RHAG: variants seen among roughly 807,000 people sequenced by gnomAD.
The protein encoded by RHAG is Rh associated glycoprotein.
Under a neutral mutation model 42.4 loss-of-function variants are expected in RHAG, and 25 were observed. That is an observed-to-expected ratio of 0.59 (90% CI 0.43 to 0.82). The LOEUF (loss-of-function observed/expected upper bound fraction) is 0.82, where lower values mean the gene tolerates loss of function less well. Among genes scored for constraint, RHAG ranks in the 40% least tolerant of loss-of-function variants. The probability of loss-of-function intolerance (pLI) is 0.00; values close to 1 mark genes in which losing one functional copy is unlikely to be tolerated. For missense variants in RHAG, 483 were observed against 504.6 expected (o/e 0.96, Z 0.41); for synonymous variants, 182 against 177.7 (o/e 1.02, Z -0.19).
intron 1 of RHAG, among the ~76,000 whole-genome samples, chr6:49,628,225 T>G (rs184365782): frequency 6.6e-6 from 1 of 151,786 alleles, no homozygotes; most frequent in East Asian, 2.0e-4. Flanking sequence ...GGCATGAACA[T>G]AACTCACTAC....
chr6:49,625,868 G>A (rs1762834760), intron 1 of RHAG, among the ~76,000 whole-genome samples: 2 of 152,156 alleles, frequency 1.3e-5, no homozygotes, highest in South Asian at 2.1e-4. Flanking sequence ...AAAGGCAAAG[G>A]AGGAGCAAAG....
At chr6:49,621,950 AT>A (rs548197564) in intron 1 of RHAG, among the ~76,000 whole-genome samples, 3 of 149,668 alleles carry the variant, frequency 2.0e-5, no homozygotes, top group Non-Finnish European at 4.5e-5. Flanking sequence ...CATTTTGTTC[AT>A]TTTTTTTAAT....
chr6:49,617,473 T>C (rs973788632), intron 3 of RHAG, among the ~76,000 whole-genome samples: 4 of 148,344 alleles, frequency 2.7e-5, no homozygotes, highest in African/African-American at 7.3e-5. Context: ...AACTTTCATA[T>C]TTTGTTTGTC....
chr6:49,628,198 C>T (rs1165218827), intron 1 of RHAG, among the ~76,000 whole-genome samples: 1 of 151,612 alleles, frequency 6.6e-6, no homozygotes, highest in East Asian at 2.0e-4. Context: ...GCTCTGTTGC[C>T]CAGGCTGGAG....
intron 1 of RHAG, among the ~76,000 whole-genome samples, chr6:49,627,301 T>C (rs1287074803): frequency 1.3e-5 from 2 of 152,170 alleles, no homozygotes; most frequent in Non-Finnish European, 2.9e-5. Flanking sequence ...CCCTAAATCA[T>C]CTCTCTCAAG....
chr6:49,618,148 G>A lies in RHAG; in HGVS notation c.412C>T (p.Pro138Ser). Residue 138 changes from proline (P) to serine (S), a missense_variant, in exon 3 of 10, where the codon CCC becomes TCC. By Grantham distance (74) the Pro-to-Ser change is moderately conservative. Transcript: ENST00000371175. The part of the protein sequence containing the change: ...SFGAVLGKTS[P>S]TQMLIMTILE... ...ATTGTCATGATCAGCATTTGGGTGG[G>A]GCTCGTTTTTCCCAGGACAGCTCCA... 1 of 1,614,008 alleles carries A rather than the reference G, an allele frequency of 6.2e-7. No homozygotes were observed.
At chr6:49,623,580 G>A (rs1215642828) in intron 1 of RHAG, among the ~76,000 whole-genome samples, 1 of 152,184 alleles carries the variant, frequency 6.6e-6, no homozygotes, top group Non-Finnish European at 1.5e-5. Context: ...CTCAACAAGA[G>A]GTAATATTAA....
intron 1 of RHAG, among the ~76,000 whole-genome samples, chr6:49,635,074 G>A (rs1414395166): frequency 2.7e-5 from 4 of 150,422 alleles, no homozygotes; most frequent in African/African-American, 9.8e-5. Flanking sequence ...TATCCATACG[G>A]TATTGTTAAC....
At chr6:49,634,979 T>TG (rs56215865) in intron 1 of RHAG, among the ~76,000 whole-genome samples, 1,087 of 89,644 alleles carry the variant, frequency 0.012, 17 homozygotes, top group African/African-American at 0.049. Flanking sequence ...TGTGTGTGTG[T>TG]TTGTGTATAC....
At chr6:49,629,700 G>A (rs555271920) in intron 1 of RHAG, among the ~76,000 whole-genome samples, 1 of 152,342 alleles carries the variant, frequency 6.6e-6, no homozygotes, top group African/African-American at 2.4e-5. Context: ...CCCACGGGAA[G>A]GCAGCTAAGG....
intron 2 of RHAG, 143 bp from the exon 3 acceptor site, chr6:49,618,361 G>A (rs546545228): frequency 3.7e-6 from 3 of 804,470 alleles, no homozygotes; most frequent in African/African-American, 1.7e-5. Flanking sequence ...TCCTCTTTTT[G>A]ACCAGACACT....
At chr6:49,612,364 C>A in intron 6 of RHAG, 33 bp downstream of exon 6, 2 of 1,612,220 alleles carry the variant, frequency 1.2e-6, no homozygotes, top group South Asian at 2.2e-5. Flanking sequence ...GGTGCAGATT[C>A]AGAGTTTGAC....
In RHAG at chr6:49,607,196, T is replaced by G. The variant is rs1306619056; in HGVS notation, c.1092A>C (p.Ala364=). The change falls in exon 8 of 10, where the codon GCA becomes GCC. Residue 364 remains alanine, a synonymous_variant. Transcript: ENST00000371175. ...SNTSMAMQAA[A]LGSSIGTAVV... is the part of the protein sequence containing the mutation. ...CTGCTGTTCCGATAGAGGAACCCAGTGCAGCTGCCTGCATGGCCATAGACC... is the reference window on the plus strand; with the variant it reads ...CTGCTGTTCCGATAGAGGAACCCAGGGCAGCTGCCTGCATGGCCATAGACC... 6.2e-7 allele frequency: 1 copy of G among 1,613,738 alleles called. No individual in the cohort carries two copies. The highest frequency in any genetic ancestry group is 2.2e-5 in the East Asian group (1 of 44,868).
At position 49,636,749 on chromosome 6, in the gene RHAG, A is replaced by C. The variant is rs139234886; in HGVS notation, c.64T>G (p.Leu22Val). The C allele has an allele frequency of 5.6e-6, 9 of 1,614,010 alleles. No individual in the cohort carries two copies. The East Asian group carries it at 1.1e-4, about 20-fold the overall frequency. ...TGGTCCGTTTCATACTCAACAAATA[A>C]TCCAAATAAAACAATCATGGCAATT... ...LEIAMIVLFGLFVEYETDQTV... is the reference protein window; with the variant it reads ...LEIAMIVLFGVFVEYETDQTV... Residue 22 changes from leucine (L) to valine (V), a missense_variant, in exon 1 of 10, where the codon TTA becomes GTA. Physicochemically the swap from Leu to Val is conservative, Grantham distance 32. Transcript: ENST00000371175.
intron 1 of RHAG, among the ~76,000 whole-genome samples, chr6:49,636,024 A>C (rs1351826203): frequency 6.6e-6 from 1 of 152,122 alleles, no homozygotes; most frequent in African/African-American, 2.4e-5. Flanking sequence ...ACCCTTCCAA[A>C]CTTGAATTAA....
At chr6:49,622,138 T>C (rs1278803354) in intron 1 of RHAG, among the ~76,000 whole-genome samples, 2 of 151,942 alleles carry the variant, frequency 1.3e-5, no homozygotes, top group Non-Finnish European at 2.9e-5. Flanking sequence ...AGGGACCTGG[T>C]AGGAGATGAC....
At chr6:49,631,369 T>G (rs767847133) in intron 1 of RHAG, among the ~76,000 whole-genome samples, 6 of 152,244 alleles carry the variant, frequency 3.9e-5, no homozygotes, top group Non-Finnish European at 7.3e-5. Flanking sequence ...TCTATGTCTA[T>G]TCTCCTTTAT....
intron 3 of RHAG, among the ~76,000 whole-genome samples, chr6:49,617,107 C>T (rs772882066): frequency 3.5e-4 from 54 of 152,286 alleles, no homozygotes; most frequent in Non-Finnish European, 4.1e-4. Context: ...CATCTGGTAT[C>T]GCTCAAGTCT....
intron 2 of RHAG, among the ~76,000 whole-genome samples, 187 bp from the exon 3 acceptor site, chr6:49,618,405 C>T (rs1047120149): frequency 1.3e-5 from 2 of 152,186 alleles, no homozygotes; most frequent in Non-Finnish European, 1.5e-5. Flanking sequence ...TTTTAACTCA[C>T]CTTTTATCTC....
Sources: gnomAD v4.1 joint callset for allele counts (sites outside exome capture counted in the v4.1 genomes callset) on GRCh38, gnomAD v4.1.1 for gene constraint, MANE v1.5 for transcripts, NCBI Gene and HGNC (gene_info 2026-07-23, HGNC 2026-07-21) for gene names.